Variants in CRLS1 observed in about 807,000 individuals in gnomAD.
CRLS1 encodes the protein cardiolipin synthase 1, also known as cardiolipin synthase (CMP-forming).
In CRLS1, 24 loss-of-function variants were observed where a neutral mutation model predicts 37.0. The observed-to-expected ratio is 0.65, with a 90% CI of 0.47 to 0.91. The LOEUF is 0.91. Ranked by LOEUF, CRLS1 falls within the 40% of genes least tolerant of loss-of-function variation. The pLI is 0.00. For missense variants in CRLS1, 373 were observed against 395.8 expected (o/e 0.94, Z 0.49); for synonymous variants, 135 against 159.7 (o/e 0.85, Z 1.17).
chr20:6,015,821 A>G, intron 3 of CRLS1: 1 of 281,294 alleles, frequency 3.6e-6, no homozygotes, highest in Non-Finnish European at 7.0e-6. Context: ...TTTCAAAAGC[A>G]ATTTAGTTTT....
rs1403400849 is a variant in CRLS1, at chr20:6,039,554, T to C, written c.*2396T>C. The C allele has an allele frequency of 6.6e-6, 1 of 152,170 alleles. No homozygotes were observed. The highest frequency in any genetic ancestry group is 2.4e-5 in the African/African-American group (1 of 41,424). The allele number at this position is 152,170 out of a possible 1,614,324, so 9.4% of individuals were successfully genotyped here. ...ATACATAGGATTTAAACTCGATTTG[T>C]TTTCTTCTTACAGTAGAAGTAAATG... On this transcript the variant is annotated 3_prime_UTR_variant, in exon 7 of 7. Transcript: ENST00000378863.
At chr20:6,031,851 A>G (rs1383450857) in intron 4 of CRLS1, among the ~76,000 whole-genome samples, 161 bp from the exon 5 acceptor site, 4 of 152,248 alleles carry the variant, frequency 2.6e-5, no homozygotes, top group Non-Finnish European at 4.4e-5. Flanking sequence ...CAGCAATTGA[A>G]AAATCTATAC....
At chr20:6,019,883 C>T (rs1473449204) in intron 3 of CRLS1, among the ~76,000 whole-genome samples, 2 of 151,666 alleles carry the variant, frequency 1.3e-5, no homozygotes, top group African/African-American at 4.8e-5. Context: ...AGGCTGGCCT[C>T]GAACTCCTCA....
intron 2 of CRLS1, among the ~76,000 whole-genome samples, chr20:6,010,397 A>G (rs2090117783): frequency 6.6e-6 from 1 of 152,246 alleles, no homozygotes; most frequent in East Asian, 1.9e-4. Context: ...AGCTTTGCTC[A>G]GGTTTCATGC....
intron 3 of CRLS1, among the ~76,000 whole-genome samples, chr20:6,026,435 G>T (rs534271131): frequency 1.3e-5 from 2 of 152,000 alleles, no homozygotes; most frequent in South Asian, 4.1e-4. Flanking sequence ...TGAAAAATTC[G>T]TGCAACTCAC....
intron 3 of CRLS1, among the ~76,000 whole-genome samples, chr20:6,026,931 C>CAGATAGT (rs1979756199): frequency 2.0e-5 from 3 of 152,200 alleles, no homozygotes; most frequent in Middle Eastern, 6.8e-3. Context: ...TGCAAAGGGC[C>CAGATAGT]AGATAGTAAC....
intron 1 of CRLS1, chr20:6,007,477 T>G: frequency 6.7e-7 from 1 of 1,486,464 alleles, no homozygotes; most frequent in Non-Finnish European, 9.3e-7. Flanking sequence ...ACGGATTTAA[T>G]GATTACAAAT....
intron 3 of CRLS1, among the ~76,000 whole-genome samples, chr20:6,018,071 C>T (rs6133282): frequency 0.61 from 92,975 of 151,480 alleles, 28,748 homozygotes; most frequent in Middle Eastern, 0.8. Context: ...CAACAATTAG[C>T]CATATGTGGT....
intron 3 of CRLS1, among the ~76,000 whole-genome samples, chr20:6,020,201 A>G (rs904515035): frequency 9.9e-5 from 15 of 152,212 alleles, no homozygotes; most frequent in African/African-American, 2.9e-4. Flanking sequence ...CAGTGCAGCT[A>G]TAAGTGGATA....
intron 3 of CRLS1, among the ~76,000 whole-genome samples, chr20:6,027,071 C>G (rs1979764997): frequency 6.8e-6 from 1 of 146,134 alleles, no homozygotes; most frequent in Admixed American, 7.0e-5. Context: ...CTTATAGACA[C>G]TGGAAATTGA....
At chr20:6,027,982 ATCTGTCTCC>A (rs1482983129) in intron 3 of CRLS1, among the ~76,000 whole-genome samples, 1 of 152,172 alleles carries the variant, frequency 6.6e-6, no homozygotes, top group Non-Finnish European at 1.5e-5. Flanking sequence ...AAACTTTGAA[ATCTGTCTCC>A]TCTACTTATT....
chr20:6,036,344 G>A (rs1980548070), intron 6 of CRLS1, among the ~76,000 whole-genome samples: 1 of 152,178 alleles, frequency 6.6e-6, no homozygotes. Context: ...TCCAACAAAA[G>A]GGAATCTTGA....
intron 3 of CRLS1, among the ~76,000 whole-genome samples, chr20:6,031,001 GA>G (rs565382400): frequency 1.3e-5 from 2 of 151,938 alleles, no homozygotes; most frequent in South Asian, 4.2e-4. Context: ...AAACATGCAA[GA>G]AAAAAACACA....
At chr20:6,031,881 C>G in intron 4 of CRLS1, 131 bp from the exon 5 acceptor site, 1 of 595,552 alleles carries the variant, frequency 1.7e-6, no homozygotes, top group Non-Finnish European at 2.9e-6. Flanking sequence ...AATCAATATT[C>G]AGTATATATT....
At chr20:6,024,311 C>G (rs1979501612) in intron 3 of CRLS1, among the ~76,000 whole-genome samples, 2 of 152,134 alleles carry the variant, frequency 1.3e-5, no homozygotes, top group Non-Finnish European at 2.9e-5. Flanking sequence ...ATTATTAAAT[C>G]TGTTATGGTG....
At chr20:6,020,682 G>A (rs1320900743) in intron 3 of CRLS1, among the ~76,000 whole-genome samples, 3 of 151,688 alleles carry the variant, frequency 2.0e-5, no homozygotes, top group Non-Finnish European at 4.4e-5. Context: ...GAGTGCAGTG[G>A]CGCAATCTTG....
chr20:6,007,125 A>G, intron 1 of CRLS1: 6 of 748,978 alleles, frequency 8.0e-6, no homozygotes, highest in East Asian at 3.4e-5. Flanking sequence ...ACCTGTTGAT[A>G]TGCTACCCAG....
Position 6,006,283 on chromosome 20 carries a change from G to C in CRLS1, c.37G>C (p.Ala13Pro), listed in dbSNP as rs1057177124. Reference sequence around the variant, plus strand: ...GCGCGTGGCGCGCGGCTCGTGGGGGGCCCTGCGCGGCGCCGCTTGGGCTCC... The same window carrying C: ...GCGCGTGGCGCGCGGCTCGTGGGGGCCCCTGCGCGGCGCCGCTTGGGCTCC... ...ALRVARGSWG[A>P]LRGAAWAPGT... is the part of the protein sequence containing the mutation. The change falls in exon 1 of 7, where the codon GCC becomes CCC. Residue 13 changes from alanine (A) to proline (P), a missense_variant. By Grantham distance (27) the Ala-to-Pro change is conservative. Transcript: ENST00000378863. 2.1e-5 allele frequency: 27 copies of C among 1,281,748 alleles called. No homozygotes were observed. Among genetic ancestry groups the C allele is most frequent in the African/African-American group, 4.6e-5 (3 of 64,612 alleles). The allele number at this position is 1,281,748 out of a possible 1,614,324, so 79.4% of individuals were successfully genotyped here.
chr20:6,039,981 A>G lies in CRLS1; in HGVS notation c.*2823A>G, dbSNP rs569601022. 2.6e-5 allele frequency: 4 copies of G among 152,306 alleles called. No homozygotes were observed. In the South Asian group the frequency reaches 8.3e-4, roughly 32 times the overall value. The allele number at this position is 152,306 out of a possible 1,614,324, so 9.4% of individuals were successfully genotyped here. On this transcript the variant is annotated 3_prime_UTR_variant, in exon 7 of 7. Coordinates refer to ENST00000378863, the MANE Select transcript of CRLS1 (RefSeq NM_019095.6). ...AAATAAATTTCTGTTCTTTTAAGCC[A>G]TTTTTACCAGTTTGTGGTAACTTGT...
Sources: allele counts gnomAD v4.1 joint callset (sites outside exome capture counted in the v4.1 genomes callset), GRCh38; gene constraint gnomAD v4.1.1; transcripts MANE v1.5; gene names NCBI Gene and HGNC (gene_info 2026-07-23, HGNC 2026-07-21).